Variants in TNKS observed in about 807,000 individuals in gnomAD.
The protein encoded by TNKS is poly [ADP-ribose] polymerase tankyrase-1.
A neutral mutation model predicts 135.8 loss-of-function variants in TNKS; 72 were observed. The observed-to-expected ratio is 0.53, with a 90% CI of 0.44 to 0.64. The LOEUF (loss-of-function observed/expected upper bound fraction) is 0.64. TNKS is among the 30% of genes least tolerant of loss of function. TNKS has a pLI of 0.00. For missense variants in TNKS, 1,769 were observed against 1,674.0 expected, an observed-to-expected ratio of 1.06 and a Z score of -0.99; for synonymous variants, 849 against 649.3, an observed-to-expected ratio of 1.31 and a Z score of -4.68.
chr8:9,638,351 G>A (rs770203690), intron 3 of TNKS, among the ~76,000 whole-genome samples: 3 of 152,174 alleles, frequency 2.0e-5, no homozygotes, highest in Non-Finnish European at 4.4e-5. Flanking sequence ...ATTAGTTAAA[G>A]TATACCTTGG....
Position 9,712,669 on chromosome 8 carries a change from C to T in TNKS, c.1749+2449C>T, listed in dbSNP as rs1313647936. ...CTTTGGGAGACTGAGGTGGGAGGAT[C>T]GCTTGAGCCCAGGATTTTGAGATCA... On this transcript the variant is annotated intron_variant, in intron 11 of 26. Coordinates refer to ENST00000310430, the MANE Select transcript of TNKS (RefSeq NM_003747.3). Among the ~76,000 whole-genome samples the T allele has an allele frequency of 5.9e-5, 9 of 151,864 alleles. No homozygotes were observed. In the East Asian group the frequency reaches 1.8e-3, roughly 30 times the overall value.
chr8:9,724,940 C>T (rs1805086963), intron 12 of TNKS, among the ~76,000 whole-genome samples: 1 of 149,206 alleles, frequency 6.7e-6, no homozygotes, highest in African/African-American at 2.5e-5. Flanking sequence ...GTGCTGTCAT[C>T]GAAAAATACT....
chr8:9,672,533 T>A (rs935235175), intron 3 of TNKS, among the ~76,000 whole-genome samples: 1 of 151,628 alleles, frequency 6.6e-6, no homozygotes. Flanking sequence ...TTGATGGCTG[T>A]AGAAAAAGGA....
intron 26 of TNKS, 31 bp from the exon 27 acceptor site, chr8:9,776,619 G>C (rs762458045): frequency 4.4e-6 from 7 of 1,599,688 alleles, no homozygotes; most frequent in Non-Finnish European, 6.0e-6. Context: ...CTACTAGAAG[G>C]GTGATTTGTT....
chr8:9,696,112 C>T (rs1281390040), intron 5 of TNKS, among the ~76,000 whole-genome samples: 1 of 152,142 alleles, frequency 6.6e-6, no homozygotes, highest in East Asian at 1.9e-4. Flanking sequence ...GGAGATATAA[C>T]TGGGGAGTTG....
At chr8:9,660,018 C>T (rs921115414) in intron 3 of TNKS, among the ~76,000 whole-genome samples, 21 of 152,132 alleles carry the variant, frequency 1.4e-4, no homozygotes, top group Non-Finnish European at 2.1e-4. Flanking sequence ...ACACATACAC[C>T]CTCCCAAGAC....
At chr8:9,573,298 C>A (rs573511978) in intron 1 of TNKS, among the ~76,000 whole-genome samples, 1 of 152,146 alleles carries the variant, frequency 6.6e-6, no homozygotes, top group East Asian at 1.9e-4. Context: ...AGGGCTGCCA[C>A]ATGGTCAGAT....
intron 5 of TNKS, among the ~76,000 whole-genome samples, chr8:9,693,805 G>T (rs908662871): frequency 6.6e-6 from 1 of 152,182 alleles, no homozygotes; most frequent in Non-Finnish European, 1.5e-5. Context: ...TATGTCACCT[G>T]ATAGCATATG....
intron 1 of TNKS, among the ~76,000 whole-genome samples, chr8:9,578,618 A>G (rs1460398141): frequency 1.3e-5 from 2 of 152,232 alleles, no homozygotes; most frequent in African/African-American, 4.8e-5. Context: ...ATAGCATGGA[A>G]GACATATCTT....
In TNKS at chr8:9,730,956, T is replaced by G. The variant is rs1805407268; in HGVS notation, c.2068T>G (p.Phe690Val). The G allele has an allele frequency of 6.2e-7, 1 of 1,614,088 alleles. No individual in the cohort carries two copies. The highest frequency in any genetic ancestry group is 8.5e-7 in the Non-Finnish European group (1 of 1,179,990). ...GGGCCGGCATTCCACGCCCTTACAC[T>G]TCGCAGCAGGCTACAACCGCGTGTC... ...LEGRHSTPLH[F>V]AAGYNRVSVV... The change falls in exon 14 of 27, where the codon TTC becomes GTC. Residue 690 changes from phenylalanine to valine, a missense_variant. This residue lies in a region of TNKS where 69 missense variants were observed against 120.3 expected (regional missense o/e 0.57). Coordinates refer to ENST00000310430, the MANE Select transcript of TNKS (RefSeq NM_003747.3).
intron 11 of TNKS, among the ~76,000 whole-genome samples, chr8:9,719,085 T>C (rs1023991285): frequency 6.6e-6 from 1 of 152,246 alleles, no homozygotes; most frequent in Non-Finnish European, 1.5e-5. Context: ...CATTGATACA[T>C]GCTAATGGCT....
chr8:9,712,197 C>T (rs1370322326), intron 11 of TNKS, among the ~76,000 whole-genome samples: 1 of 152,158 alleles, frequency 6.6e-6, no homozygotes, highest in African/African-American at 2.4e-5. Flanking sequence ...CTTAGAGCCA[C>T]GTGTAGTGGC....
intron 3 of TNKS, chr8:9,670,635 G>T (rs1802232700): frequency 6.6e-6 from 1 of 152,132 alleles, no homozygotes; most frequent in Non-Finnish European, 1.5e-5. Flanking sequence ...ACTTCTTAGA[G>T]GGTAGATTTT....
intron 26 of TNKS, chr8:9,772,346 A>T (rs1807955758): frequency 2.2e-6 from 1 of 453,790 alleles, no homozygotes; most frequent in Non-Finnish European, 4.4e-6. Context: ...TGAGGGACAG[A>T]TAGGCTTATA....
intron 3 of TNKS, among the ~76,000 whole-genome samples, chr8:9,667,807 A>G (rs1340933915): frequency 1.4e-5 from 2 of 146,552 alleles, no homozygotes; most frequent in Non-Finnish European, 3.0e-5. Context: ...GTGAAGTCTG[A>G]TTAATATCCT....
In TNKS at chr8:9,766,115, A is replaced by G. The variant is rs1310974982; in HGVS notation, c.3554-124A>G. 5 of 839,618 alleles carry G rather than the reference A, an allele frequency of 6.0e-6. No individual in the cohort carries two copies. In the South Asian group the frequency reaches 6.1e-5, roughly 10 times the overall value. The allele number at this position is 839,618 out of a possible 1,614,324, so 52.0% of individuals were successfully genotyped here. A position where few individuals can be genotyped will look rare whatever the true frequency, so the allele number is the denominator to read the frequency against. ...ATTATGTATAATAGACCTTCTTAGA[A>G]AATACTTTTCATTTATACACCATTC... On this transcript the variant is annotated intron_variant, in intron 24 of 26. Transcript: ENST00000310430.
chr8:9,571,546 C>T (rs1010349733), intron 1 of TNKS, among the ~76,000 whole-genome samples: 3 of 152,146 alleles, frequency 2.0e-5, no homozygotes, highest in Non-Finnish European at 4.4e-5. Context: ...CAAGCTCCGC[C>T]TCCCGGGTTC....
intron 1 of TNKS, chr8:9,558,968 T>G (rs1006914215): frequency 1.3e-5 from 2 of 152,204 alleles, no homozygotes; most frequent in Non-Finnish European, 2.9e-5. Flanking sequence ...TGATAGTAAT[T>G]GAATTGTCAC....
chr8:9,692,349 A>G (rs890016214), intron 5 of TNKS, among the ~76,000 whole-genome samples: 2 of 152,204 alleles, frequency 1.3e-5, no homozygotes, highest in Admixed American at 6.5e-5. Context: ...AGCTGCATCC[A>G]TGTCGCTGTA....
Sources: gnomAD v4.1 joint callset for allele counts (sites outside exome capture counted in the v4.1 genomes callset) on GRCh38, gnomAD v4.1.1 for gene constraint, gnomAD v4.1.1 regional missense constraint, MANE v1.5 for transcripts, NCBI Gene and HGNC (gene_info 2026-07-23, HGNC 2026-07-21) for gene names.